Variants in PKHD1 observed in about 807,000 individuals in gnomAD.
PKHD1 encodes fibrocystin.
A neutral mutation model predicts 412.0 loss-of-function variants in PKHD1; 291 were observed. The observed-to-expected ratio is 0.71, with a 90% confidence interval of 0.64 to 0.78. PKHD1 has a LOEUF of 0.78. Ranked by LOEUF, PKHD1 falls within the 30% of genes least tolerant of loss-of-function variation. The pLI, the probability that PKHD1 is intolerant of heterozygous loss-of-function variation, is 0.00. For synonymous variants in PKHD1, 1,777 were observed against 1,821.5 expected, an observed-to-expected ratio of 0.98 and a Z score of 0.62; for missense variants, 4,825 against 4,950.7, an observed-to-expected ratio of 0.97 and a Z score of 0.76.
chr6:51,676,420 T>C (rs1775863335), intron 60 of PKHD1, among the ~76,000 whole-genome samples: 2 of 152,148 alleles, frequency 1.3e-5, no homozygotes, highest in Admixed American at 1.3e-4. Context: ...TCAACATTAA[T>C]GATTTTTTCC....
At chr6:51,768,691 T>C (rs1237594012) in intron 55 of PKHD1, among the ~76,000 whole-genome samples, 2 of 151,808 alleles carry the variant, frequency 1.3e-5, no homozygotes, top group Admixed American at 6.6e-5. Flanking sequence ...CCTGAATATA[T>C]TGGCTAAAAC....
intron 28 of PKHD1, among the ~76,000 whole-genome samples, chr6:52,033,663 A>G (rs979069824): frequency 6.6e-5 from 10 of 151,742 alleles, no homozygotes; most frequent in Admixed American, 6.6e-4. Flanking sequence ...GAAACCCAAG[A>G]AACAGTGACT....
chr6:51,817,320 G>A (rs184602440), intron 52 of PKHD1, among the ~76,000 whole-genome samples: 5 of 87,768 alleles, frequency 5.7e-5, no homozygotes, highest in Admixed American at 1.5e-4. Flanking sequence ...TCTCTTTTCC[G>A]CAGGATTTAG....
At chr6:51,954,283 C>G (rs193058958) in intron 36 of PKHD1, among the ~76,000 whole-genome samples, 54 of 152,114 alleles carry the variant, frequency 3.5e-4, no homozygotes, top group Admixed American at 2.9e-3. Context: ...AATGCTAGCT[C>G]TCATTGTTAC....
chr6:51,934,351 C>A, intron 36 of PKHD1, 29 bp from the exon 37 acceptor site: 1 of 1,460,084 alleles, frequency 6.8e-7, no homozygotes. Flanking sequence ...ATTGTCAGTC[C>A]CTGGGAGGAT....
intron 60 of PKHD1, among the ~76,000 whole-genome samples, chr6:51,671,243 G>T (rs9382001): frequency 5.3e-5 from 8 of 151,604 alleles, no homozygotes; most frequent in Non-Finnish European, 1.0e-4. Flanking sequence ...GGCTTTGCTC[G>T]TTTCTTTTTA....
chr6:51,647,703 T>A (rs1054291876), intron 63 of PKHD1, among the ~76,000 whole-genome samples: 1 of 152,058 alleles, frequency 6.6e-6, no homozygotes, highest in Non-Finnish European at 1.5e-5. Context: ...GGGCACTGAG[T>A]GGACTGTAGA....
At chr6:51,988,053 C>T (rs995114409) in intron 35 of PKHD1, among the ~76,000 whole-genome samples, 3 of 152,160 alleles carry the variant, frequency 2.0e-5, no homozygotes, top group African/African-American at 7.2e-5. Context: ...TATCATTGTT[C>T]ACTTCTTGCC....
Position 51,747,987 on chromosome 6 carries a change from G to T in PKHD1, c.9629C>A (p.Ser3210Tyr), listed in dbSNP as rs141081295. 4.3e-6 allele frequency: 7 copies of T among 1,613,976 alleles called. No homozygotes were observed. The highest frequency in any genetic ancestry group is 1.6e-4 in the Middle Eastern group (1 of 6,084). Residue 3210 changes from serine (S) to tyrosine (Y), a missense_variant, in exon 58 of 67, where the codon TCT (serine) becomes TAT (tyrosine). Transcript: ENST00000371117. The part of the protein sequence containing the change: ...LRNSVIVATS[S>Y]SFDCIQDKVK... The stretch of plus-strand genomic sequence containing the variant: ...TTTGTCCTGAATGCAGTCAAAAGAA[G>T]AGCTGGTGGCCACAATGACTGAATT...
At chr6:52,018,604 C>T (rs1800910819) in intron 33 of PKHD1, among the ~76,000 whole-genome samples, 1 of 152,184 alleles carries the variant, frequency 6.6e-6, no homozygotes, top group Admixed American at 6.5e-5. Context: ...ACTTCCGCCT[C>T]CCGGGTTCAA....
At chr6:51,781,433 A>T (rs556545393) in intron 53 of PKHD1, among the ~76,000 whole-genome samples, 1 of 152,278 alleles carries the variant, frequency 6.6e-6, no homozygotes, top group African/African-American at 2.4e-5. Context: ...GAGGCCTCTC[A>T]ATTTTTCAAT....
intron 60 of PKHD1, among the ~76,000 whole-genome samples, chr6:51,726,601 G>A (rs1290723014): frequency 6.6e-6 from 1 of 152,044 alleles, no homozygotes; most frequent in Non-Finnish European, 1.5e-5. Flanking sequence ...CATATGAACT[G>A]TCAACATTTC....
chr6:52,021,971 G>A (rs752044743), intron 33 of PKHD1, among the ~76,000 whole-genome samples: 9 of 152,184 alleles, frequency 5.9e-5, no homozygotes, highest in East Asian at 1.9e-4. Context: ...GTATGTAAAC[G>A]GTTAAGTGCA....
intron 43 of PKHD1, among the ~76,000 whole-genome samples, chr6:51,888,944 G>A (rs531807773): frequency 1.3e-5 from 2 of 151,450 alleles, no homozygotes; most frequent in Admixed American, 6.6e-5. Context: ...CAAGCTATGA[G>A]ACTACTTCCT....
At chr6:51,940,014 A>T (rs928681669) in intron 36 of PKHD1, among the ~76,000 whole-genome samples, 2 of 151,552 alleles carry the variant, frequency 1.3e-5, no homozygotes, top group Admixed American at 6.6e-5. Flanking sequence ...GTCAAGGTTA[A>T]TGCTCCTTTT....
At chr6:51,795,593 C>T (rs1794473506) in intron 52 of PKHD1, among the ~76,000 whole-genome samples, 1 of 152,196 alleles carries the variant, frequency 6.6e-6, no homozygotes, top group African/African-American at 2.4e-5. Context: ...AAAGGGCATC[C>T]TTGTCTTGTG....
At chr6:51,741,029 A>G (rs1277086723) in intron 60 of PKHD1, 1 of 507,050 alleles carries the variant, frequency 2.0e-6, no homozygotes, top group Non-Finnish European at 3.9e-6. Flanking sequence ...ACACACTGAT[A>G]GTAAATCGTG....
rs772219802 is a variant in PKHD1 at position 51,883,205 on chromosome 6, C to A, written c.7238G>T (p.Arg2413Leu). Reference sequence around the variant, plus strand: ...TGAATAAACTTTGAAGTTTTTCAGGCGAAGATTGCTACTTCTAAAAATCTA... The same window carrying A: ...TGAATAAACTTTGAAGTTTTTCAGGAGAAGATTGCTACTTCTAAAAATCTA... ...GAQIFRSSNL[R>L]LKNFKVYSCR... Residue 2413 changes from arginine (R) to leucine (L), a missense_variant, in exon 46 of 67, where the codon CGC (arginine) becomes CTC (leucine). By Grantham distance (102) the Arg-to-Leu change is moderately radical. Coordinates refer to ENST00000371117, the MANE Select transcript of PKHD1 (RefSeq NM_138694.4). 1 of 1,613,256 alleles carries A rather than the reference C, an allele frequency of 6.2e-7. No individual in the cohort carries two copies. Among genetic ancestry groups the A allele is most frequent in the Non-Finnish European group, 8.5e-7 (1 of 1,179,322 alleles).
At chr6:51,634,020 C>T (rs1335908) in intron 64 of PKHD1, among the ~76,000 whole-genome samples, 6,498 of 151,518 alleles carry the variant, frequency 0.043, 233 homozygotes, top group African/African-American at 0.093. Context: ...TTTAAATATG[C>T]TTATCATGTG....
Sources: allele counts gnomAD v4.1 joint callset (sites outside exome capture counted in the v4.1 genomes callset), GRCh38; gene constraint gnomAD v4.1.1; transcripts MANE v1.5; gene names NCBI Gene and HGNC (gene_info 2026-07-23, HGNC 2026-07-21).